Variants in ZNF354B observed in about 807,000 individuals in gnomAD.
The protein encoded by ZNF354B is zinc finger protein 354B.
A neutral mutation model predicts 12.9 loss-of-function variants in ZNF354B; 10 were observed. The ratio of observed to expected loss-of-function variants is 0.77; its 90% CI spans 0.48 to 1.31. The LOEUF (loss-of-function observed/expected upper bound fraction) is 1.31. Among genes scored for constraint, ZNF354B ranks in the 40% most tolerant of loss-of-function variants. The pLI, the probability that ZNF354B is intolerant of heterozygous loss-of-function variation, is 0.00. For synonymous variants in ZNF354B, 260 were observed against 243.7 expected (o/e 1.07, Z -0.62); for missense variants, 614 against 711.7 (o/e 0.86, Z 1.56).
rs1336246145 is a variant in ZNF354B, at chr5:178,882,706, C to T, written c.257-3C>T. The T allele has an allele frequency of 6.5e-7, 1 of 1,538,362 alleles. No homozygotes were observed. Among genetic ancestry groups the T allele is most frequent in the Non-Finnish European group, 8.7e-7 (1 of 1,152,660 alleles). ...CTGTTGCTTTCTTTTTTTCTTTTTT[C>T]AGGATGTAAGAGCACACCTAAAATG... On this transcript the variant is annotated splice_region_variant and splice_polypyrimidine_tract_variant and intron_variant, in intron 4 of 4. Coordinates refer to ENST00000322434, the MANE Select transcript of ZNF354B (RefSeq NM_058230.3).
At chr5:178,866,562 G>A (rs1336165865) in intron 3 of ZNF354B, among the ~76,000 whole-genome samples, 192 bp downstream of exon 3, 2 of 152,094 alleles carry the variant, frequency 1.3e-5, no homozygotes, top group Admixed American at 6.5e-5. Context: ...ATGTCTTGGC[G>A]GGTGGGTATT....
Position 178,866,289 on chromosome 5 carries a change from G to A in ZNF354B, c.79G>A (p.Glu27Lys), listed in dbSNP as rs1421110967. Reference sequence around the variant, plus strand: ...CGTGGCTGTGCTCTTTACCTGGGATGAGTGGAGAAAGCTGGCTCCTTCTCA... The same window carrying A: ...CGTGGCTGTGCTCTTTACCTGGGATAAGTGGAGAAAGCTGGCTCCTTCTCA... ...EDVAVLFTWD[E>K]WRKLAPSQRN... is the part of the protein sequence containing the mutation. The change falls in exon 3 of 5, where the codon GAG becomes AAG. Residue 27 changes from glutamate (E) to lysine (K), a missense_variant. Coordinates refer to ENST00000322434, the MANE Select transcript of ZNF354B (RefSeq NM_058230.3). 2 of 1,614,176 alleles carry A rather than the reference G, an allele frequency of 1.2e-6. No homozygotes were observed. The highest frequency in any genetic ancestry group is 3.3e-5 in the Admixed American group (2 of 60,034).
At chr5:178,873,939 C>T (rs1237594182) in intron 4 of ZNF354B, among the ~76,000 whole-genome samples, 2 of 149,436 alleles carry the variant, frequency 1.3e-5, no homozygotes, top group African/African-American at 2.5e-5. Context: ...CATATGAGTC[C>T]TCTGTTTTTT....
At chr5:178,881,168 C>G (rs1170489090) in intron 4 of ZNF354B, among the ~76,000 whole-genome samples, 1 of 152,104 alleles carries the variant, frequency 6.6e-6, no homozygotes, top group Admixed American at 6.5e-5. Context: ...TTTGTTTCAT[C>G]TGTTCCAGTG....
chr5:178,862,894 A>G (rs1757384010), intron 2 of ZNF354B, among the ~76,000 whole-genome samples: 1 of 152,086 alleles, frequency 6.6e-6, no homozygotes, highest in Non-Finnish European at 1.5e-5. Context: ...TAATGTGTAG[A>G]CCTGTGTGTA....
chr5:178,876,872 G>A (rs1166963641), intron 4 of ZNF354B, among the ~76,000 whole-genome samples: 1 of 145,918 alleles, frequency 6.9e-6, no homozygotes, highest in Non-Finnish European at 1.5e-5. Context: ...CTCCATAGAT[G>A]TTTTCTATTT....
At chr5:178,872,778 T>A (rs1382194457) in intron 4 of ZNF354B, among the ~76,000 whole-genome samples, 1 of 152,166 alleles carries the variant, frequency 6.6e-6, no homozygotes, top group Admixed American at 6.5e-5. Flanking sequence ...CCATTTGTAT[T>A]TCCTTTTTTT....
chr5:178,867,020 G>A lies in ZNF354B; in HGVS notation c.205G>A (p.Gly69Arg). The A allele has an allele frequency of 6.2e-7, 1 of 1,613,614 alleles. No homozygotes were observed. Among genetic ancestry groups the A allele is most frequent in the Non-Finnish European group, 8.5e-7 (1 of 1,179,582 alleles). ...AAAAGTCATCTCCCTGTTGCAGCAAGGAGAAGATCCCTGGGAGGTGGAGAA... is the reference window on the plus strand; with the variant it reads ...AAAAGTCATCTCCCTGTTGCAGCAAAGAGAAGATCCCTGGGAGGTGGAGAA... ...KPKVISLLQQGEDPWEVEKDS... is the reference protein window; with the variant it reads ...KPKVISLLQQREDPWEVEKDS... Residue 69 changes from glycine to arginine, a missense_variant, in exon 4 of 5, where the codon GGA (glycine) becomes AGA (arginine). Physicochemically the swap from Gly to Arg is moderately radical, Grantham distance 125 (BLOSUM62 -2). Coordinates refer to ENST00000322434, the MANE Select transcript of ZNF354B (RefSeq NM_058230.3).
intron 2 of ZNF354B, among the ~76,000 whole-genome samples, chr5:178,863,706 T>G (rs1284593066): frequency 6.6e-6 from 1 of 152,196 alleles, no homozygotes; most frequent in African/African-American, 2.4e-5. Context: ...GAAGAAAGCT[T>G]TGTTCTCATA....
At chr5:178,880,280 A>G (rs1757699186) in intron 4 of ZNF354B, among the ~76,000 whole-genome samples, 1 of 149,176 alleles carries the variant, frequency 6.7e-6, no homozygotes, top group South Asian at 2.1e-4. Flanking sequence ...GCTCACTGCA[A>G]CCTCTGCCTC....
At chr5:178,877,301 CT>C (rs1385564185) in intron 4 of ZNF354B, among the ~76,000 whole-genome samples, 2 of 152,076 alleles carry the variant, frequency 1.3e-5, no homozygotes, top group African/African-American at 2.4e-5. Context: ...TCCTGAGTAG[CT>C]GGGATTACAG....
intron 4 of ZNF354B, among the ~76,000 whole-genome samples, chr5:178,874,989 T>A (rs1757615418): frequency 6.6e-6 from 1 of 152,220 alleles, no homozygotes; most frequent in South Asian, 2.1e-4. Context: ...CAGAGGGGTA[T>A]ATTAGCAAAG....
rs1201385051 is a variant in ZNF354B at position 178,859,975 on chromosome 5, G to A, written c.-204G>A. On this transcript the variant is annotated 5_prime_UTR_variant, in exon 1 of 5. Coordinates refer to ENST00000322434, the MANE Select transcript of ZNF354B (RefSeq NM_058230.3). ...CTTAGCGGCCGCCTTGCTCCTCTAGGTCCCAGGCGCTCTGCGGAGCTTTCG... is the reference window on the plus strand; with the variant it reads ...CTTAGCGGCCGCCTTGCTCCTCTAGATCCCAGGCGCTCTGCGGAGCTTTCG... 6.6e-6 allele frequency: 1 copy of A among 152,300 alleles called. No homozygotes were observed. The highest frequency in any genetic ancestry group is 1.5e-5 in the Non-Finnish European group (1 of 68,100). 9.4% of individuals were successfully genotyped at this position (152,300 alleles called of 1,614,324 possible).
chr5:178,873,203 C>T lies in ZNF354B; in HGVS notation c.256+6132C>T, dbSNP rs555707304. Among the ~76,000 whole-genome samples, 34 of 152,248 alleles carry T rather than the reference C, an allele frequency of 2.2e-4. No individual in the cohort carries two copies. In the South Asian group the frequency reaches 6.8e-3, roughly 31 times the overall value. ...CTTTATATATGCTGGATAGTAGTTG[C>T]CGGATATGTGGTTCACAAATGCTTT... On this transcript the variant is annotated intron_variant, in intron 4 of 4. Transcript: ENST00000322434.
In ZNF354B at chr5:178,882,754, A is replaced by T. The variant is rs1476196106; in HGVS notation, c.302A>T (p.Asp101Val). ...PKMTKSTQTQDSFQEQIRKRL... is the reference protein window; with the variant it reads ...PKMTKSTQTQVSFQEQIRKRL... ...ATGACAAAGTCAACTCAAACTCAGG[A>T]TTCATTTCAGGAGCAGATAAGGAAA... is the stretch of plus-strand genomic sequence containing the variant. The change falls in exon 5 of 5, where the codon GAT (aspartate) becomes GTT (valine). Residue 101 changes from aspartate (D) to valine (V), a missense_variant. Coordinates refer to ENST00000322434, the MANE Select transcript of ZNF354B (RefSeq NM_058230.3). 1.3e-6 allele frequency: 2 copies of T among 1,576,966 alleles called. No individual in the cohort carries two copies. Among genetic ancestry groups the T allele is most frequent in the Admixed American group, 2.1e-5 (1 of 47,558 alleles).
At chr5:178,868,971 CAAA>C (rs374983108) in intron 4 of ZNF354B, among the ~76,000 whole-genome samples, 21,137 of 96,076 alleles carry the variant, frequency 0.22, 1,844 homozygotes, top group African/African-American at 0.34. Flanking sequence ...GACTCCAACT[CAAA>C]AAAAAAAAAA....
At chr5:178,863,307 T>C (rs1757392404) in intron 2 of ZNF354B, among the ~76,000 whole-genome samples, 1 of 152,228 alleles carries the variant, frequency 6.6e-6, no homozygotes. Context: ...TGTGCATATG[T>C]ATGTGTATGT....
At position 178,864,062 on chromosome 5, in the gene ZNF354B, CT is replaced by C. The variant is rs201055011; in HGVS notation, c.34-2179del. Among the ~76,000 whole-genome samples, 373 of 152,110 alleles carry C rather than the reference CT, an allele frequency of 2.5e-3. 1 individual carries two copies. The highest frequency in any genetic ancestry group is 8.6e-3 in the African/African-American group (358 of 41,508). ...GCTAAGGACAATTTGTTAAAGAAAACTTTAAAAAAATAAATTTAGTGTAGCC... is the reference window on the plus strand; with the variant it reads ...GCTAAGGACAATTTGTTAAAGAAAACTTAAAAAAATAAATTTAGTGTAGCC... On this transcript the variant is annotated intron_variant, in intron 2 of 4. Transcript: ENST00000322434.
At chr5:178,860,303 G>A (rs1222836261) in intron 1 of ZNF354B, among the ~76,000 whole-genome samples, 176 bp downstream of exon 1, 1 of 151,868 alleles carries the variant, frequency 6.6e-6, no homozygotes, top group Non-Finnish European at 1.5e-5. Flanking sequence ...TGCCGCTGCC[G>A]ACGCCCCTGC....
Sources: gnomAD v4.1 joint callset for allele counts (sites outside exome capture counted in the v4.1 genomes callset) on GRCh38, gnomAD v4.1.1 for gene constraint, MANE v1.5 for transcripts, NCBI Gene and HGNC (gene_info 2026-07-23, HGNC 2026-07-21) for gene names.